The following ERGIC1 variants were observed in gnomAD, a reference collection of about 807,000 sequenced individuals.
ERGIC1 encodes the protein endoplasmic reticulum-golgi intermediate compartment 1, also known as endoplasmic reticulum-Golgi intermediate compartment protein 1.
ERGIC1 carries 19 observed loss-of-function variants against 38.3 expected under a neutral mutation model. That is an observed-to-expected ratio of 0.50 (90% CI 0.35 to 0.73). ERGIC1 has a LOEUF of 0.73. Ranked by LOEUF, ERGIC1 falls within the 30% of genes least tolerant of loss-of-function variation. ERGIC1 has a pLI of 0.01. For missense variants in ERGIC1, 294 were observed against 389.2 expected (o/e 0.76, Z 2.06); for synonymous variants, 124 against 157.6 (o/e 0.79, Z 1.60).
At chr5:172,911,278 C>T (rs1160326090) in intron 4 of ERGIC1, among the ~76,000 whole-genome samples, 1 of 152,172 alleles carries the variant, frequency 6.6e-6, no homozygotes, top group Non-Finnish European at 1.5e-5. Flanking sequence ...TGAAATAGGT[C>T]GGTCTTATTT....
chr5:172,886,602 C>A (rs1359716809), intron 1 of ERGIC1, among the ~76,000 whole-genome samples: 1 of 151,796 alleles, frequency 6.6e-6, no homozygotes, highest in Non-Finnish European at 1.5e-5. Flanking sequence ...GTCAAACAAG[C>A]GTTAATAATA....
At chr5:172,850,374 C>T (rs147393105) in intron 1 of ERGIC1, among the ~76,000 whole-genome samples, 288 of 151,508 alleles carry the variant, frequency 1.9e-3, no homozygotes, top group African/African-American at 6.3e-3. Context: ...GCTTGGGCCT[C>T]CGCCTGCCCC....
At chr5:172,896,797 CCA>C (rs893233118) in intron 2 of ERGIC1, among the ~76,000 whole-genome samples, 18 of 152,216 alleles carry the variant, frequency 1.2e-4, no homozygotes, top group African/African-American at 4.3e-4. Context: ...GCAGGTTGAT[CCA>C]CACCTGGAGG....
intron 5 of ERGIC1, chr5:172,915,179 C>T (rs886567546): frequency 9.6e-6 from 6 of 625,014 alleles, no homozygotes; most frequent in Non-Finnish European, 1.7e-5. Flanking sequence ...CTTGACCCAT[C>T]TTAGGCTGAG....
chr5:172,865,479 G>A (rs1761833484), intron 1 of ERGIC1, among the ~76,000 whole-genome samples: 1 of 152,188 alleles, frequency 6.6e-6, no homozygotes, highest in South Asian at 2.1e-4. Flanking sequence ...TTAAATTGAG[G>A]TATTGCAGAT....
In ERGIC1 at chr5:172,862,307, CAAAAAAA is replaced by C. The variant is rs58968820; in HGVS notation, c.21-26373_21-26367del. Among the ~76,000 whole-genome samples, 13 of 49,492 alleles carry C rather than the reference CAAAAAAA, an allele frequency of 2.6e-4. No individual in the cohort carries two copies. In the South Asian group the frequency reaches 6.1e-3, roughly 23 times the overall value. 32.5% of individuals were successfully genotyped at this position (49,492 alleles called of 152,430 possible). On this transcript the variant is annotated intron_variant, in intron 1 of 9. Transcript: ENST00000393784. ...TGGGCAACTGAGTGAGACTACATCT[CAAAAAAA>C]AAAAAAAAAAAAAAAAAAGATGGCA...
At chr5:172,901,163 G>A (rs115623396) in intron 3 of ERGIC1, among the ~76,000 whole-genome samples, 1,609 of 152,338 alleles carry the variant, frequency 0.011, 16 homozygotes, top group African/African-American at 0.024. Flanking sequence ...TGAGGTCACC[G>A]TTGGTTGGAT....
chr5:172,868,081 G>A lies in ERGIC1; in HGVS notation c.21-20618G>A, dbSNP rs1473517082. Among the ~76,000 whole-genome samples, 6 of 152,190 alleles carry A rather than the reference G, an allele frequency of 3.9e-5. 1 individual carries two copies. Among genetic ancestry groups the A allele is most frequent in the South Asian group, 4.1e-4 (2 of 4,824 alleles). On this transcript the variant is annotated intron_variant, in intron 1 of 9. Transcript: ENST00000393784. Reference sequence around the variant, plus strand: ...AAAGCTCAGGAATGTAGTGACAGTCGCAGCGCTAGCGATGATGATAATCAC... The same window carrying A: ...AAAGCTCAGGAATGTAGTGACAGTCACAGCGCTAGCGATGATGATAATCAC...
intron 8 of ERGIC1, chr5:172,933,015 A>G (rs1763811581): frequency 6.3e-6 from 1 of 159,152 alleles, no homozygotes; most frequent in South Asian, 1.7e-4. Context: ...CCAACACTCA[A>G]AGTCATGGAG....
At chr5:172,929,102 C>A (rs1001746818) in intron 7 of ERGIC1, among the ~76,000 whole-genome samples, 6 of 151,862 alleles carry the variant, frequency 4.0e-5, no homozygotes, top group Admixed American at 3.9e-4. Flanking sequence ...TGGAATGAAA[C>A]CAGCTTGTCA....
chr5:172,902,005 G>A (rs1762893739), intron 3 of ERGIC1, among the ~76,000 whole-genome samples: 1 of 152,188 alleles, frequency 6.6e-6, no homozygotes, highest in Admixed American at 6.5e-5. Context: ...GCACCAGGCG[G>A]CCAAAACCAC....
intron 2 of ERGIC1, among the ~76,000 whole-genome samples, chr5:172,893,997 C>T (rs1762653031): frequency 7.4e-6 from 1 of 134,278 alleles, no homozygotes; most frequent in African/African-American, 2.7e-5. Flanking sequence ...AACAGGGAAT[C>T]GGGGGCTGCA....
chr5:172,858,726 T>C (rs1761621800), intron 1 of ERGIC1, among the ~76,000 whole-genome samples: 1 of 152,190 alleles, frequency 6.6e-6, no homozygotes, highest in Admixed American at 6.5e-5. Flanking sequence ...CGGCTGACCT[T>C]ACCAGCCCCC....
rs577357619 is a variant in ERGIC1 at position 172,885,871 on chromosome 5, C to T, written c.21-2828C>T. 8.5e-5 allele frequency among the ~76,000 whole-genome samples: 13 copies of T among 152,282 alleles called. No homozygotes were observed. The Middle Eastern group carries it at 0.01, about 120-fold the overall frequency. ...CCCCAGGCCTCATGTCATCTGCAGA[C>T]GCGTCTCATTTGTCCTGTAGAGTGT... is the stretch of plus-strand genomic sequence containing the variant. On this transcript the variant is annotated intron_variant, in intron 1 of 9. Transcript: ENST00000393784.
At chr5:172,897,160 G>A in intron 3 of ERGIC1, 86 bp downstream of exon 3, 1 of 1,299,728 alleles carries the variant, frequency 7.7e-7, no homozygotes, top group African/African-American at 1.5e-5. Context: ...CAGGTTTGGT[G>A]GCTAACACCT....
Position 172,846,305 on chromosome 5 carries a change from G to A in ERGIC1, c.20+11872G>A, listed in dbSNP as rs543245104. 3.4e-4 allele frequency among the ~76,000 whole-genome samples: 52 copies of A among 152,302 alleles called. No homozygotes were observed. Among genetic ancestry groups the A allele is most frequent in the African/African-American group, 9.6e-4 (40 of 41,568 alleles). On this transcript the variant is annotated intron_variant, in intron 1 of 9. Transcript: ENST00000393784. The surrounding 1 kb of genome is among the most constrained non-coding windows in gnomAD (Gnocchi z 4.0). ...GTGTGATGCTACGTGACTTAACAGC[G>A]CCTCTTTCTGCGCTGTCTGTGCAGG...
intron 1 of ERGIC1, among the ~76,000 whole-genome samples, chr5:172,863,392 A>G: frequency 6.6e-6 from 1 of 152,176 alleles, no homozygotes; most frequent in Non-Finnish European, 1.5e-5. Flanking sequence ...GATTTGTGTT[A>G]TTTGCTGCCC....
At chr5:172,896,210 G>T (rs1351391615) in intron 2 of ERGIC1, among the ~76,000 whole-genome samples, 6 of 152,146 alleles carry the variant, frequency 3.9e-5, no homozygotes, top group Non-Finnish European at 7.3e-5. Flanking sequence ...GGGTGTCGTA[G>T]CAGGCACCTG....
chr5:172,950,601 A>G (rs1475354636), intron 9 of ERGIC1, 108 bp from the exon 10 acceptor site: 3 of 937,344 alleles, frequency 3.2e-6, no homozygotes, highest in Non-Finnish European at 4.9e-6. Flanking sequence ...TTAACGGGCA[A>G]TGTCTGCCTT....
Sources: gnomAD v4.1 joint callset for allele counts (sites outside exome capture counted in the v4.1 genomes callset) on GRCh38, gnomAD v4.1.1 for gene constraint, Gnocchi (gnomAD v3.1) non-coding constraint, MANE v1.5 for transcripts, NCBI Gene and HGNC (gene_info 2026-07-23, HGNC 2026-07-21) for gene names.